TFDP1: variants seen among roughly 807,000 people sequenced by gnomAD.
TFDP1 encodes the protein DRTF1-polypeptide 1.
A neutral mutation model predicts 48.0 loss-of-function variants in TFDP1; 6 were observed. That is an observed-to-expected ratio of 0.13 (90% CI 0.07 to 0.25). The LOEUF is 0.25. Among genes scored for constraint, TFDP1 ranks in the 10% least tolerant of loss-of-function variants. TFDP1 has a pLI of 1.00. For missense variants in TFDP1, 335 were observed against 543.0 expected, an observed-to-expected ratio of 0.62 and a Z score of 3.81; for synonymous variants, 201 against 211.6, an observed-to-expected ratio of 0.95 and a Z score of 0.44.
At chr13:113,631,488 T>G in intron 4 of TFDP1, 135 bp from the exon 5 acceptor site, 1 of 1,186,238 alleles carries the variant, frequency 8.4e-7, no homozygotes, top group Non-Finnish European at 1.1e-6. Flanking sequence ...CTGGACGTTT[T>G]TCCTGCTCCG....
chr13:113,609,962 G>A (rs1453381208), intron 2 of TFDP1, among the ~76,000 whole-genome samples: 1 of 152,222 alleles, frequency 6.6e-6, no homozygotes, highest in Non-Finnish European at 1.5e-5. Flanking sequence ...CTTTTCCTTC[G>A]CAGAGCCCGG....
chr13:113,603,089 G>C, intron 2 of TFDP1, among the ~76,000 whole-genome samples: 1 of 152,210 alleles, frequency 6.6e-6, no homozygotes, highest in East Asian at 1.9e-4. Flanking sequence ...ACTCTAGTGG[G>C]GAGCTGTTAG....
intron 2 of TFDP1, among the ~76,000 whole-genome samples, chr13:113,602,554 C>T (rs187306029): frequency 1.1e-3 from 166 of 152,274 alleles, no homozygotes; most frequent in African/African-American, 3.6e-3. Flanking sequence ...TGGGGTCTGG[C>T]GCAGGCCACT....
At chr13:113,597,144 C>T (rs1056474669) in intron 2 of TFDP1, among the ~76,000 whole-genome samples, 8 of 152,182 alleles carry the variant, frequency 5.3e-5, no homozygotes, top group African/African-American at 1.7e-4. Flanking sequence ...GCCGGTGGCT[C>T]ACTCTGTCCT....
intron 11 of TFDP1, among the ~76,000 whole-genome samples, chr13:113,639,171 TG>T (rs1259836291): frequency 6.6e-6 from 1 of 152,232 alleles, no homozygotes; most frequent in African/African-American, 2.4e-5. Context: ...CTCCTTCTGT[TG>T]TAGCTATGTG....
intron 2 of TFDP1, among the ~76,000 whole-genome samples, chr13:113,596,419 G>A (rs1566638416): frequency 6.6e-6 from 1 of 152,214 alleles, no homozygotes; most frequent in Non-Finnish European, 1.5e-5. Context: ...GCAGCATGGA[G>A]GACAGATGTC....
chr13:113,611,139 C>A, intron 3 of TFDP1, 77 bp downstream of exon 3: 2 of 1,377,392 alleles, frequency 1.5e-6, no homozygotes, highest in Non-Finnish European at 2.1e-6. Context: ...GCTGTTGACG[C>A]TGAAGCCTCT....
At chr13:113,637,744 A>G in intron 10 of TFDP1, 74 bp from the exon 11 acceptor site, 1 of 1,613,500 alleles carries the variant, frequency 6.2e-7, no homozygotes, top group Non-Finnish European at 8.5e-7. Flanking sequence ...ACTGCGCGTC[A>G]TTTTGTTGGT....
chr13:113,624,899 C>A (rs372763850), intron 4 of TFDP1, among the ~76,000 whole-genome samples: 60 of 106,816 alleles, frequency 5.6e-4, no homozygotes, highest in South Asian at 1.4e-3. Context: ...ACGTGTCCTC[C>A]GGTGTCTCTC....
rs749071904 is a variant in TFDP1 at position 113,634,015 on chromosome 13, G to A, written c.600G>A (p.Gln200=). The change falls in exon 7 of 12, where the codon CAG becomes CAA. Residue 200 remains glutamine, a synonymous_variant. Coordinates refer to ENST00000375370, the MANE Select transcript of TFDP1 (RefSeq NM_007111.5). ...KWIGLPTNSA[Q]ECQNLEVERQ... Reference sequence around the variant, plus strand: ...TTGGTCTGCCCACCAACTCGGCTCAGGAATGTCAGAACTTAGAGGTGCCCC... The same window carrying A: ...TTGGTCTGCCCACCAACTCGGCTCAAGAATGTCAGAACTTAGAGGTGCCCC... 1 of 1,614,182 alleles carries A rather than the reference G, an allele frequency of 6.2e-7. No homozygotes were observed. Among genetic ancestry groups the A allele is most frequent in the South Asian group, 1.1e-5 (1 of 91,080 alleles).
chr13:113,605,204 T>C (rs2048534300), intron 2 of TFDP1, among the ~76,000 whole-genome samples: 1 of 151,688 alleles, frequency 6.6e-6, no homozygotes, highest in Non-Finnish European at 1.5e-5. Context: ...AGGAAAGGGG[T>C]GGGTGTCAGA....
intron 10 of TFDP1, 54 bp from the exon 11 acceptor site, chr13:113,637,764 G>A (rs41288608): frequency 3.2e-5 from 52 of 1,614,004 alleles, no homozygotes; most frequent in East Asian, 6.7e-5. Context: ...TTGCCTGTGC[G>A]TCTTGTGTTG....
intron 3 of TFDP1, among the ~76,000 whole-genome samples, chr13:113,619,224 G>A (rs367944122): frequency 2.0e-5 from 3 of 152,208 alleles, no homozygotes; most frequent in East Asian, 3.9e-4. Flanking sequence ...TGTAATCCCA[G>A]CACTTTGGGA....
At chr13:113,585,251 C>T (rs910446889) in intron 1 of TFDP1, 2 of 149,842 alleles carry the variant, frequency 1.3e-5, no homozygotes, top group African/African-American at 4.9e-5. Flanking sequence ...GACCCGGTTC[C>T]GGCGCGCGCG....
Position 113,623,360 on chromosome 13 carries a change from A to T in TFDP1, c.186+74A>T, listed in dbSNP as rs1183119107. ...GATCGGATGAGCCGTGTGGTTGGGG[A>T]TGTTCCCAGGTGTGCCTGGATTTGG... is the stretch of plus-strand genomic sequence containing the variant. On this transcript the variant is annotated intron_variant, in intron 4 of 11. Coordinates refer to ENST00000375370, the MANE Select transcript of TFDP1 (RefSeq NM_007111.5). The surrounding 1 kb of genome is among the most constrained non-coding windows in gnomAD (Gnocchi z 5.2). The T allele has an allele frequency of 2.1e-6, 3 of 1,418,894 alleles. No individual in the cohort carries two copies. Among genetic ancestry groups the T allele is most frequent in the Non-Finnish European group, 2.9e-6 (3 of 1,036,198 alleles). 87.9% of individuals were successfully genotyped at this position (1,418,894 alleles called of 1,614,324 possible). A position where few individuals can be genotyped will look rare whatever the true frequency, so the allele number is the denominator to read the frequency against.
At chr13:113,629,755 C>G (rs913417336) in intron 4 of TFDP1, among the ~76,000 whole-genome samples, 2 of 144,978 alleles carry the variant, frequency 1.4e-5, no homozygotes, top group Non-Finnish European at 2.9e-5. Flanking sequence ...GTAAGTTCCT[C>G]GTTGTAAGTC....
chr13:113,610,531 C>CGT (rs2048685315), intron 2 of TFDP1, among the ~76,000 whole-genome samples: 1 of 146,646 alleles, frequency 6.8e-6, no homozygotes, highest in East Asian at 2.1e-4. Flanking sequence ...TGCCATCATA[C>CGT]GTGCCCCTGC....
chr13:113,612,009 T>C (rs1395293553), intron 3 of TFDP1, among the ~76,000 whole-genome samples: 1 of 152,228 alleles, frequency 6.6e-6, no homozygotes, highest in Non-Finnish European at 1.5e-5. Flanking sequence ...ATTTTTCTAA[T>C]TATTCCCATA....
At chr13:113,613,455 G>A (rs990200047) in intron 3 of TFDP1, among the ~76,000 whole-genome samples, 2 of 152,196 alleles carry the variant, frequency 1.3e-5, no homozygotes, top group African/African-American at 4.8e-5. Context: ...TCCGGTGTTC[G>A]TTCCAGAGAA....
Sources: gnomAD v4.1 joint callset for allele counts (sites outside exome capture counted in the v4.1 genomes callset) on GRCh38, gnomAD v4.1.1 for gene constraint, Gnocchi (gnomAD v3.1) non-coding constraint, MANE v1.5 for transcripts, NCBI Gene and HGNC (gene_info 2026-07-23, HGNC 2026-07-21) for gene names.